The following CEP192 variants were observed in gnomAD, a reference collection of about 807,000 sequenced individuals.
The protein encoded by CEP192 is centrosomal protein of 192 kDa.
Under a neutral mutation model 271.8 loss-of-function variants are expected in CEP192, and 151 were observed. The observed-to-expected ratio is 0.56, with a 90% CI of 0.49 to 0.64. CEP192 has a LOEUF of 0.64. CEP192 is among the 30% of genes least tolerant of loss of function. The pLI is 0.00. For missense variants in CEP192, 2,910 were observed against 3,020.5 expected (o/e 0.96, Z 0.86); for synonymous variants, 995 against 1,076.5 (o/e 0.92, Z 1.48).
chr18:13,082,250 G>A (rs2038652032), intron 30 of CEP192, among the ~76,000 whole-genome samples: 1 of 152,210 alleles, frequency 6.6e-6, no homozygotes. Context: ...AAGTCTCTTT[G>A]TAGGTCTCTG....
chr18:13,018,488 A>G lies in CEP192; in HGVS notation c.798A>G (p.Glu266=). 3 of 1,523,890 alleles carry G rather than the reference A, an allele frequency of 2.0e-6. No homozygotes were observed. Among genetic ancestry groups the G allele is most frequent in the Non-Finnish European group, 1.8e-6 (2 of 1,131,346 alleles). The allele number at this position is 1,523,890 out of a possible 1,614,324, so 94.4% of individuals were successfully genotyped here. ...LPTNGLRQAN[E]NGSLNCKFQS... The stretch of plus-strand genomic sequence containing the variant: ...AGATATTCTTTCAACAGGCAAATGA[A>G]AACGGTAGCTTAAACTGCAAGTTTC... Residue 266 remains glutamate, a synonymous_variant, in exon 8 of 45, where the codon GAA becomes GAG. Transcript: ENST00000506447.
intron 38 of CEP192, among the ~76,000 whole-genome samples, chr18:13,102,447 G>A (rs1303438499): frequency 2.0e-5 from 3 of 151,876 alleles, no homozygotes; most frequent in East Asian, 1.9e-4. Flanking sequence ...CATCTTCCTC[G>A]GCCCCCACAC....
At chr18:13,075,063 A>G (rs538832860) in intron 30 of CEP192, among the ~76,000 whole-genome samples, 1 of 152,284 alleles carries the variant, frequency 6.6e-6, no homozygotes, top group East Asian at 1.9e-4. Flanking sequence ...TGTATTGGAA[A>G]CTTACTCTGC....
At chr18:13,096,812 A>G (rs1255469617) in intron 36 of CEP192, among the ~76,000 whole-genome samples, 1 of 152,168 alleles carries the variant, frequency 6.6e-6, no homozygotes, top group Non-Finnish European at 1.5e-5. Flanking sequence ...TTCTATGTAG[A>G]ATATTCTAGG....
intron 33 of CEP192, among the ~76,000 whole-genome samples, chr18:13,090,318 T>C (rs2039082289): frequency 6.6e-6 from 1 of 152,222 alleles, no homozygotes; most frequent in Non-Finnish European, 1.5e-5. Flanking sequence ...CATGGAAAGC[T>C]CTTCATTTAT....
At chr18:13,027,399 G>C (rs1015808586) in intron 9 of CEP192, among the ~76,000 whole-genome samples, 1 of 152,196 alleles carries the variant, frequency 6.6e-6, no homozygotes, top group Non-Finnish European at 1.5e-5. Flanking sequence ...GCCCACCTAT[G>C]ACTGGATCCT....
intron 28 of CEP192, 49 bp downstream of exon 28, chr18:13,071,261 A>C: frequency 2.0e-6 from 3 of 1,493,886 alleles, no homozygotes; most frequent in Non-Finnish European, 2.8e-6. Flanking sequence ...CATATTTTGG[A>C]GCAGACTACA....
At chr18:13,124,592 T>C (rs761406666) in intron 44 of CEP192, 40 bp from the exon 45 acceptor site, 4 of 1,579,120 alleles carry the variant, frequency 2.5e-6, no homozygotes, top group Middle Eastern at 1.7e-4. Context: ...TCACGGGTGC[T>C]GTCATGACAT....
intron 27 of CEP192, among the ~76,000 whole-genome samples, chr18:13,070,211 C>T (rs1165158625): frequency 6.6e-6 from 1 of 152,054 alleles, no homozygotes; most frequent in Non-Finnish European, 1.5e-5. Flanking sequence ...AACAGCCACT[C>T]ACATGTGCTT....
At chr18:13,087,420 G>A (rs957984086) in intron 31 of CEP192, 111 bp from the exon 32 acceptor site, 27 of 908,626 alleles carry the variant, frequency 3.0e-5, no homozygotes, top group Admixed American at 2.5e-4. Flanking sequence ...AATGCCATGC[G>A]TATGCACTTG....
chr18:13,090,414 C>T (rs958656628), intron 33 of CEP192, among the ~76,000 whole-genome samples: 10 of 152,186 alleles, frequency 6.6e-5, no homozygotes, highest in African/African-American at 2.4e-4. Flanking sequence ...AAATTACAGG[C>T]ATATACACAC....
chr18:13,113,613 A>G lies in CEP192; in HGVS notation c.7075A>G (p.Arg2359Gly). 6.2e-7 allele frequency: 1 copy of G among 1,613,316 alleles called. No individual in the cohort carries two copies. The highest frequency in any genetic ancestry group is 2.2e-5 in the East Asian group (1 of 44,866). Residue 2359 changes from arginine to glycine, a missense_variant, in exon 41 of 45, where the codon AGG becomes GGG. Coordinates refer to ENST00000506447, the MANE Select transcript of CEP192 (RefSeq NM_032142.4). ...KVSITFLPRGRGDYAQFWDVE... is the reference protein window; with the variant it reads ...KVSITFLPRGGGDYAQFWDVE... Reference sequence around the variant, plus strand: ...CTCCATCACATTTTTGCCCAGAGGTAGGGGGGATTATGCCCAGTTTTGGGA... The same window carrying G: ...CTCCATCACATTTTTGCCCAGAGGTGGGGGGGATTATGCCCAGTTTTGGGA...
At chr18:12,999,801 T>C (rs2033493197) in intron 2 of CEP192, among the ~76,000 whole-genome samples, 1 of 151,778 alleles carries the variant, frequency 6.6e-6, no homozygotes, top group Non-Finnish European at 1.5e-5. Flanking sequence ...GGTTTGGGAT[T>C]TGAGCACCAG....
At chr18:13,121,063 G>A (rs117444104) in intron 44 of CEP192, among the ~76,000 whole-genome samples, 16 of 152,250 alleles carry the variant, frequency 1.1e-4, no homozygotes, top group Admixed American at 6.5e-5. Context: ...GGGGACTTAC[G>A]GCATTGTGTG....
chr18:13,014,310 A>G (rs941981860), intron 5 of CEP192, among the ~76,000 whole-genome samples: 1 of 152,226 alleles, frequency 6.6e-6, no homozygotes, highest in African/African-American at 2.4e-5. Flanking sequence ...TTGATTAAAA[A>G]GAGGAAGAAA....
intron 6 of CEP192, 37 bp from the exon 7 acceptor site, chr18:13,017,151 T>C (rs1392225959): frequency 2.7e-6 from 4 of 1,502,650 alleles, no homozygotes; most frequent in Non-Finnish European, 3.6e-6. Context: ...GTCACTACTT[T>C]AAAGCATGTC....
At chr18:13,034,909 C>G (rs1413045855) in intron 11 of CEP192, among the ~76,000 whole-genome samples, 2 of 151,808 alleles carry the variant, frequency 1.3e-5, no homozygotes, top group African/African-American at 4.8e-5. Context: ...ATTCAAGGTG[C>G]TGCATTGCTG....
chr18:13,101,344 G>C (rs942889686), intron 38 of CEP192, among the ~76,000 whole-genome samples: 2 of 152,192 alleles, frequency 1.3e-5, no homozygotes, highest in African/African-American at 4.8e-5. Context: ...GGGTAGGTTA[G>C]GTGGATTAAA....
At chr18:13,004,802 T>C (rs372579406) in intron 3 of CEP192, among the ~76,000 whole-genome samples, 6 of 152,268 alleles carry the variant, frequency 3.9e-5, no homozygotes, top group African/African-American at 9.6e-5. Flanking sequence ...CCCAGCCACA[T>C]TGAGCTGTAG....
Sources: allele counts gnomAD v4.1 joint callset (sites outside exome capture counted in the v4.1 genomes callset), GRCh38; gene constraint gnomAD v4.1.1; transcripts MANE v1.5; gene names NCBI Gene and HGNC (gene_info 2026-07-23, HGNC 2026-07-21).